PLEKHM2: variants seen among roughly 807,000 people sequenced by gnomAD.
PLEKHM2 encodes the protein pleckstrin homology and RUN domain containing M2.
In PLEKHM2, 77 loss-of-function variants were observed where a neutral mutation model predicts 116.3. That is an observed-to-expected ratio of 0.66 (90% CI 0.55 to 0.80). PLEKHM2 has a LOEUF of 0.80. PLEKHM2 is among the 30% of genes least tolerant of loss of function. The probability of loss-of-function intolerance (pLI) is 0.00; values close to 1 mark genes in which losing one functional copy is unlikely to be tolerated. For synonymous variants in PLEKHM2, 562 were observed against 571.0 expected, an observed-to-expected ratio of 0.98 and a Z score of 0.22; for missense variants, 1,183 against 1,354.9, an observed-to-expected ratio of 0.87 and a Z score of 1.99.
rs1170186338 is a variant in PLEKHM2 at position 15,728,239 on chromosome 1, C to T, written c.1831-28C>T. 6.2e-7 allele frequency: 1 copy of T among 1,610,846 alleles called. No individual in the cohort carries two copies. The highest frequency in any genetic ancestry group is 8.5e-7 in the Non-Finnish European group (1 of 1,178,274). On this transcript the variant is annotated intron_variant, in intron 10 of 19. Coordinates refer to ENST00000375799, the MANE Select transcript of PLEKHM2 (RefSeq NM_015164.4). The surrounding 1 kb of genome is among the most constrained non-coding windows in gnomAD (Gnocchi z 5.9). ...CCGCTGGAGCGGCAGGAGCCACCTG[C>T]CTGACCCTTGTCTGCTTCGGCCCCC...
rs778088672 is a variant in PLEKHM2 at position 15,728,273 on chromosome 1, C to G, written c.1837C>G (p.Arg613Gly). The change falls in exon 11 of 20, where the codon CGG becomes GGG. Residue 613 changes from arginine (R) to glycine (G), a missense_variant. By Grantham distance (125) the Arg-to-Gly change is moderately radical (BLOSUM62 -2). This residue lies in a region of PLEKHM2 where 594 missense variants were observed against 720.1 expected (regional missense o/e 0.82). Coordinates refer to ENST00000375799, the MANE Select transcript of PLEKHM2 (RefSeq NM_015164.4). This position sits in a 1 kb window ranked among gnomAD's most constrained non-coding sequence, Gnocchi z 5.9. The stretch of plus-strand genomic sequence containing the variant: ...TGTCTGCTTCGGCCCCCAGATGATC[C>G]GGATGAGCACCGGGCACATGGAGGG... The part of the protein sequence containing the change: ...ENEEQLFKMI[R>G]MSTGHMEGNL... 6.2e-7 allele frequency: 1 copy of G among 1,613,244 alleles called. No homozygotes were observed. The highest frequency in any genetic ancestry group is 1.1e-5 in the South Asian group (1 of 91,062).
In PLEKHM2 at chr1:15,728,037, C is replaced by G. The variant is rs1376716097; in HGVS notation, c.1761-42C>G. 2.0e-6 allele frequency: 3 copies of G among 1,532,158 alleles called. No individual in the cohort carries two copies. Among genetic ancestry groups the G allele is most frequent in the Non-Finnish European group, 9.0e-7 (1 of 1,116,346 alleles). 94.9% of individuals were successfully genotyped at this position (1,532,158 alleles called of 1,614,324 possible). On this transcript the variant is annotated intron_variant, in intron 9 of 19. Transcript: ENST00000375799. The surrounding 1 kb of genome is among the most constrained non-coding windows in gnomAD (Gnocchi z 5.9). ...GGGTGGGGTGTGGCCTCTCTCACCG[C>G]TGCCTGCCTGACATCTCGCCCTCCT...
chr1:15,732,811 C>T, intron 19 of PLEKHM2, 83 bp downstream of exon 19: 2 of 942,072 alleles, frequency 2.1e-6, no homozygotes, highest in Non-Finnish European at 3.2e-6. Flanking sequence ...CCCTGCTGCT[C>T]CCAGGACTTG....
chr1:15,721,534 A>G lies in PLEKHM2; in HGVS notation c.712+146A>G. On this transcript the variant is annotated intron_variant, in intron 7 of 19. Transcript: ENST00000375799. The surrounding 1 kb of genome is among the most constrained non-coding windows in gnomAD (Gnocchi z 5.1). ...CAAGTTTGGTGTTCTAATAGATGGA[A>G]TTCTGCAGTGGGAAAACTCAACCTC... The G allele has an allele frequency of 1.7e-6, 1 of 582,404 alleles. No homozygotes were observed. Among genetic ancestry groups the G allele is most frequent in the Non-Finnish European group, 3.0e-6 (1 of 333,552 alleles). 36.1% of individuals were successfully genotyped at this position (582,404 alleles called of 1,614,324 possible). A position where few individuals can be genotyped will look rare whatever the true frequency, so the allele number is the denominator to read the frequency against.
chr1:15,733,903 G>A lies in PLEKHM2; in HGVS notation c.3029G>A (p.Arg1010His), dbSNP rs745963513. The change falls in exon 20 of 20, where the codon CGC (arginine) becomes CAC (histidine). Residue 1010 changes from arginine (R) to histidine (H), a missense_variant. Around this residue, in one of 3 missense-constraint regions of PLEKHM2, gnomAD observed 594 missense variants for 720.1 expected, o/e 0.82. Coordinates refer to ENST00000375799, the MANE Select transcript of PLEKHM2 (RefSeq NM_015164.4). ...SAWQRSDSLC[R>H]GRASRDPWC Reference sequence around the variant, plus strand: ...TGGCAGCGGAGCGACAGTCTCTGCCGCGGCCGAGCCTCCCGAGACCCCTGG... The same window carrying A: ...TGGCAGCGGAGCGACAGTCTCTGCCACGGCCGAGCCTCCCGAGACCCCTGG... 2.3e-5 allele frequency: 37 copies of A among 1,612,678 alleles called. No individual in the cohort carries two copies. The African/African-American group carries it at 2.4e-4, about 10-fold the overall frequency.
At chr1:15,683,397 G>T (rs1411632122), upstream of PLEKHM2, among the ~76,000 whole-genome samples, 7 of 151,922 alleles carry the variant, frequency 4.6e-5, no homozygotes, top group Non-Finnish European at 8.8e-5. Context: ...GCCAGAGTTA[G>T]TGGGGTGCAC....
Position 15,728,582 on chromosome 1 carries a change from A to G in PLEKHM2, c.1922-87A>G. On this transcript the variant is annotated intron_variant, in intron 11 of 19. Coordinates refer to ENST00000375799, the MANE Select transcript of PLEKHM2 (RefSeq NM_015164.4). The surrounding 1 kb of genome is among the most constrained non-coding windows in gnomAD (Gnocchi z 5.9). ...CTGCAGGGCAAGGAGAGGCCCTCTA[A>G]GAGAGGGGGCTGTGTCTAAGAAAAT... 4.1e-6 allele frequency: 5 copies of G among 1,234,116 alleles called. No individual in the cohort carries two copies. Among genetic ancestry groups the G allele is most frequent in the Non-Finnish European group, 5.8e-6 (5 of 858,254 alleles). 76.4% of individuals were successfully genotyped at this position (1,234,116 alleles called of 1,614,324 possible).
chr1:15,693,836 G>A (rs572926663), intron 1 of PLEKHM2, among the ~76,000 whole-genome samples: 5 of 152,306 alleles, frequency 3.3e-5, no homozygotes, highest in East Asian at 1.9e-4. Context: ...TGTTCAGTTC[G>A]TGACAGTTGT....
rs1557659319 is a variant in PLEKHM2, at chr1:15,727,145, CAAGCCT to C, written c.1074_1079del (p.Ser359_Leu360del). ...GACGGTGACAGCCGCAACGGCAGCCCAAGCCTTGGGCGGGACTCGCCAGACACTATG... is the reference window on the plus strand; with the variant it reads ...GACGGTGACAGCCGCAACGGCAGCCCTGGGCGGGACTCGCCAGACACTATG... On this transcript the variant is annotated inframe_deletion, in exon 9 of 20. Transcript: ENST00000375799. The surrounding 1 kb of genome is among the most constrained non-coding windows in gnomAD (Gnocchi z 7.5). The C allele has an allele frequency of 6.3e-7, 1 of 1,596,684 alleles. No homozygotes were observed. Among genetic ancestry groups the C allele is most frequent in the South Asian group, 1.1e-5 (1 of 88,838 alleles).
At chr1:15,686,839 C>T (rs866620263) in intron 1 of PLEKHM2, among the ~76,000 whole-genome samples, 8 of 151,918 alleles carry the variant, frequency 5.3e-5, no homozygotes, top group East Asian at 1.9e-4. Flanking sequence ...TTAGTAGAGA[C>T]GGGGTTTCAC....
rs1042752150 is a variant in PLEKHM2 at position 15,733,979 on chromosome 1, G to A, written c.*45G>A. 53 of 1,580,138 alleles carry A rather than the reference G, an allele frequency of 3.4e-5. No individual in the cohort carries two copies. The Admixed American group carries it at 6.6e-4, about 20-fold the overall frequency. On this transcript the variant is annotated 3_prime_UTR_variant, in exon 20 of 20. Transcript: ENST00000375799. ...CCTGGTGGGCAGGAAAGGAAGGCAC[G>A]CCAGCCGGCAGGCACACTGTCACGG... is the stretch of plus-strand genomic sequence containing the variant.
chr1:15,725,786 T>C, intron 8 of PLEKHM2: 1 of 556,978 alleles, frequency 1.8e-6, no homozygotes, highest in South Asian at 2.2e-5. Flanking sequence ...AGACATTCTT[T>C]CTCACAGCTC....
Position 15,684,527 on chromosome 1 carries a change from G to A in PLEKHM2, c.-32G>A. ...CGGCGGCGGGGCGGCGGCGGCGGTG[G>A]CGGTGGCGGTGGCGGCGACGGTGGC... is the stretch of plus-strand genomic sequence containing the variant. On this transcript the variant is annotated 5_prime_UTR_variant, in exon 1 of 20. Transcript: ENST00000375799. 1 of 1,141,262 alleles carries A rather than the reference G, an allele frequency of 8.8e-7. No individual in the cohort carries two copies. Among genetic ancestry groups the A allele is most frequent in the Non-Finnish European group, 1.1e-6 (1 of 918,594 alleles). The allele number at this position is 1,141,262 out of a possible 1,614,324, so 70.7% of individuals were successfully genotyped here.
chr1:15,693,695 G>T (rs557944368), intron 1 of PLEKHM2, among the ~76,000 whole-genome samples: 2 of 152,332 alleles, frequency 1.3e-5, no homozygotes, highest in African/African-American at 4.8e-5. Context: ...TCCAGCTGGA[G>T]CCCAGTGTGA....
intron 1 of PLEKHM2, among the ~76,000 whole-genome samples, chr1:15,695,248 C>T (rs375636762): frequency 3.3e-5 from 5 of 152,166 alleles, no homozygotes; most frequent in Admixed American, 2.0e-4. Flanking sequence ...GGAACTGATG[C>T]GTGCTTGAAA....
At chr1:15,712,854 G>A (rs1646511201) in intron 1 of PLEKHM2, among the ~76,000 whole-genome samples, 1 of 151,944 alleles carries the variant, frequency 6.6e-6, no homozygotes, top group African/African-American at 2.4e-5. Flanking sequence ...CTGCTGGAGT[G>A]CAGTGGTGCA....
At chr1:15,685,541 G>GAAAAACAAA (rs1640750614) in intron 1 of PLEKHM2, among the ~76,000 whole-genome samples, 1 of 73,508 alleles carries the variant, frequency 1.4e-5, no homozygotes, top group Non-Finnish European at 2.8e-5. Flanking sequence ...CTCAGAAACT[G>GAAAAACAAA]AAAAAAAAAA....
intron 1 of PLEKHM2, among the ~76,000 whole-genome samples, chr1:15,711,631 AAAAAG>A (rs1641332698): frequency 1.3e-5 from 2 of 151,956 alleles, no homozygotes; most frequent in Non-Finnish European, 2.9e-5. Flanking sequence ...AAAAAAAAGA[AAAAAG>A]AAAAAAGGCA....
chr1:15,716,730 A>G lies in PLEKHM2; in HGVS notation c.191A>G (p.Tyr64Cys). Residue 64 changes from tyrosine to cysteine, a missense_variant, in exon 3 of 20, where the codon TAC becomes TGC. This residue lies in a region of PLEKHM2 where 217 missense variants were observed against 277.6 expected (regional missense o/e 0.78). Transcript: ENST00000375799. Reference sequence around the variant, plus strand: ...AGACTGCAAGACCTCTCCTCTGGCTACTGGGTGCTCGTGGTGCATTTTACT... The same window carrying G: ...AGACTGCAAGACCTCTCCTCTGGCTGCTGGGTGCTCGTGGTGCATTTTACT... ...LYGLQDLSSG[Y>C]WVLVVHFTRR... 6.3e-7 allele frequency: 1 copy of G among 1,574,928 alleles called. No individual in the cohort carries two copies. The highest frequency in any genetic ancestry group is 8.6e-7 in the Non-Finnish European group (1 of 1,159,978).
Sources: allele counts gnomAD v4.1 joint callset (sites outside exome capture counted in the v4.1 genomes callset), GRCh38; gene constraint gnomAD v4.1.1; regional missense constraint gnomAD v4.1.1; non-coding constraint Gnocchi (gnomAD v3.1); transcripts MANE v1.5; gene names NCBI Gene and HGNC (gene_info 2026-07-23, HGNC 2026-07-21).